Variants in SMPDL3A observed in about 807,000 individuals in gnomAD.
SMPDL3A encodes the protein cyclic GMP-AMP phosphodiesterase SMPDL3A.
SMPDL3A carries 39 observed loss-of-function variants against 38.5 expected under a neutral mutation model. That is an observed-to-expected ratio of 1.01 (90% CI 0.78 to 1.32). The LOEUF (loss-of-function observed/expected upper bound fraction) is 1.32. Ranked by LOEUF, SMPDL3A falls within the 40% of genes most tolerant of loss-of-function variation. The probability of loss-of-function intolerance (pLI) is 0.00; values close to 1 mark genes in which losing one functional copy is unlikely to be tolerated. For synonymous variants in SMPDL3A, 180 were observed against 194.3 expected, an observed-to-expected ratio of 0.93 and a Z score of 0.61; for missense variants, 502 against 536.2, an observed-to-expected ratio of 0.94 and a Z score of 0.63.
intron 5 of SMPDL3A, among the ~76,000 whole-genome samples, chr6:122,804,433 A>T (rs1470729850): frequency 1.3e-5 from 2 of 151,586 alleles, no homozygotes; most frequent in African/African-American, 4.9e-5. Flanking sequence ...ACTCCTAAGT[A>T]AGTGGGACTA....
rs562113381 is a variant in SMPDL3A, at chr6:122,789,266, T to A, written c.-81T>A. ...CGTCTACACCCGCAGCCGTCTTCTG[T>A]CTCCGCCTCACCCTCAGGCCTGACG... On this transcript the variant is annotated 5_prime_UTR_variant, in exon 1 of 8. Coordinates refer to ENST00000368440, the MANE Select transcript of SMPDL3A (RefSeq NM_006714.5). 41 of 997,028 alleles carry A rather than the reference T, an allele frequency of 4.1e-5. No homozygotes were observed. In the South Asian group the frequency reaches 5.6e-4, roughly 14 times the overall value. The allele number at this position is 997,028 out of a possible 1,614,324, so 61.8% of individuals were successfully genotyped here.
intron 1 of SMPDL3A, among the ~76,000 whole-genome samples, chr6:122,790,550 A>G (rs994635447): frequency 4.1e-4 from 63 of 152,160 alleles, no homozygotes; most frequent in African/African-American, 1.5e-3. Context: ...GTGCTTTCTC[A>G]GGACTTGGGA....
At chr6:122,797,983 C>G (rs936188729) in intron 3 of SMPDL3A, among the ~76,000 whole-genome samples, 2 of 152,202 alleles carry the variant, frequency 1.3e-5, no homozygotes, top group Non-Finnish European at 2.9e-5. Context: ...TCCTTTTGCA[C>G]ATCCCTTGCC....
Position 122,803,712 on chromosome 6 carries a change from T to A in SMPDL3A, c.617T>A (p.Ile206Asn). The A allele has an allele frequency of 6.2e-7, 1 of 1,613,990 alleles. No individual in the cohort carries two copies. Among genetic ancestry groups the A allele is most frequent in the Non-Finnish European group, 8.5e-7 (1 of 1,179,924 alleles). ...ACAACTAATCCAAACCTTAGGATCATCAGTCTAAACACAAACTTGTACTAC... is the reference window on the plus strand; with the variant it reads ...ACAACTAATCCAAACCTTAGGATCAACAGTCTAAACACAAACTTGTACTAC... Reference protein sequence around the residue: ...KVTTNPNLRIISLNTNLYYGP... With the variant: ...KVTTNPNLRINSLNTNLYYGP... The change falls in exon 5 of 8, where the codon ATC becomes AAC. Residue 206 changes from isoleucine (I) to asparagine (N), a missense_variant. By Grantham distance (149) the Ile-to-Asn change is moderately radical (BLOSUM62 -3). Coordinates refer to ENST00000368440, the MANE Select transcript of SMPDL3A (RefSeq NM_006714.5).
intron 6 of SMPDL3A, among the ~76,000 whole-genome samples, chr6:122,805,615 G>T (rs1038882415): frequency 6.6e-6 from 1 of 152,128 alleles, no homozygotes; most frequent in African/African-American, 2.4e-5. Flanking sequence ...CATCTATCAA[G>T]ATTTTTCAGT....
intron 4 of SMPDL3A, 124 bp from the exon 5 acceptor site, chr6:122,803,540 A>T: frequency 1.4e-6 from 1 of 692,880 alleles, no homozygotes; most frequent in East Asian, 2.7e-5. Flanking sequence ...ATCTATGTGC[A>T]AACTAAACAA....
chr6:122,791,566 T>G (rs1781078134), intron 1 of SMPDL3A, among the ~76,000 whole-genome samples: 1 of 152,226 alleles, frequency 6.6e-6, no homozygotes, highest in South Asian at 2.1e-4. Flanking sequence ...TATGGTTCAT[T>G]GGATTCTTGA....
At chr6:122,793,583 T>G (rs1226747858) in intron 1 of SMPDL3A, among the ~76,000 whole-genome samples, 1 of 152,228 alleles carries the variant, frequency 6.6e-6, no homozygotes, top group African/African-American at 2.4e-5. Context: ...TGGGGTATTT[T>G]CTGCATTATG....
At position 122,809,128 on chromosome 6, in the gene SMPDL3A, A is replaced by G; in HGVS notation, c.1082A>G (p.Asn361Ser). ...LQYYLNLTEA[N>S]LKGESIWKLE... ...TATTACTTGAATCTGACAGAGGCGA[A>G]TCTAAAGGGAGAGTCCATCTGGAAG... Residue 361 changes from asparagine (N) to serine (S), a missense_variant, in exon 8 of 8, where the codon AAT becomes AGT. Transcript: ENST00000368440. 6.2e-7 allele frequency: 1 copy of G among 1,614,194 alleles called. No individual in the cohort carries two copies. Among genetic ancestry groups the G allele is most frequent in the Non-Finnish European group, 8.5e-7 (1 of 1,180,024 alleles).
chr6:122,805,271 C>T (rs191703111), intron 6 of SMPDL3A, among the ~76,000 whole-genome samples, 182 bp downstream of exon 6: 1 of 152,314 alleles, frequency 6.6e-6, no homozygotes, highest in Admixed American at 6.5e-5. Flanking sequence ...ATTAGGCCTG[C>T]AGCTGGATTT....
At chr6:122,804,679 A>G (rs1781542505) in intron 5 of SMPDL3A, among the ~76,000 whole-genome samples, 1 of 152,180 alleles carries the variant, frequency 6.6e-6, no homozygotes, top group African/African-American at 2.4e-5. Context: ...AGGCCAATTC[A>G]AAAAATTGTG....
intron 4 of SMPDL3A, among the ~76,000 whole-genome samples, chr6:122,801,733 A>G (rs1285704044): frequency 1.3e-5 from 2 of 152,382 alleles, no homozygotes; most frequent in South Asian, 2.1e-4. Context: ...AGAAGAGAGA[A>G]TGGACACTAA....
chr6:122,794,222 A>T (rs1781166329), intron 1 of SMPDL3A, among the ~76,000 whole-genome samples: 1 of 152,210 alleles, frequency 6.6e-6, no homozygotes, highest in Non-Finnish European at 1.5e-5. Flanking sequence ...TAAATTGCTT[A>T]TCACAGTGCC....
In SMPDL3A at chr6:122,809,316, T is replaced by C. The variant is rs770174384; in HGVS notation, c.1270T>C (p.Cys424Arg). The C allele has an allele frequency of 1.2e-6, 2 of 1,613,994 alleles. No homozygotes were observed. Among genetic ancestry groups the C allele is most frequent in the South Asian group, 1.1e-5 (1 of 91,082 alleles). Residue 424 changes from cysteine to arginine, a missense_variant, in exon 8 of 8, where the codon TGT becomes CGT. Coordinates refer to ENST00000368440, the MANE Select transcript of SMPDL3A (RefSeq NM_006714.5). ...YDSSVTCDKT[C>R]KAFQICAIMN... ...CAGCAGTGTAACATGTGATAAGACATGTAAGGCCTTTCAGATTTGTGCAAT... is the reference window on the plus strand; with the variant it reads ...CAGCAGTGTAACATGTGATAAGACACGTAAGGCCTTTCAGATTTGTGCAAT...
intron 3 of SMPDL3A, chr6:122,797,194 T>A: frequency 2.5e-6 from 1 of 401,172 alleles, no homozygotes. Context: ...GTTTTCAGAA[T>A]AAAATTATCC....
intron 1 of SMPDL3A, among the ~76,000 whole-genome samples, 194 bp from the exon 2 acceptor site, chr6:122,795,483 C>G (rs1781214495): frequency 2.0e-5 from 3 of 152,094 alleles, no homozygotes; most frequent in Non-Finnish European, 4.4e-5. Flanking sequence ...GTAAATTGTT[C>G]CTACAGTTCC....
intron 1 of SMPDL3A, among the ~76,000 whole-genome samples, chr6:122,794,885 T>C (rs368133037): frequency 6.6e-6 from 1 of 152,186 alleles, no homozygotes; most frequent in Non-Finnish European, 1.5e-5. Flanking sequence ...AAGAGTGATA[T>C]ATAGTTCCTG....
intron 1 of SMPDL3A, chr6:122,790,014 C>G: frequency 4.2e-6 from 1 of 237,670 alleles, no homozygotes; most frequent in Non-Finnish European, 6.8e-6. Context: ...CTCGGGTAGA[C>G]TCACCCCTTA....
At chr6:122,793,856 T>C (rs1286434523) in intron 1 of SMPDL3A, among the ~76,000 whole-genome samples, 1 of 152,180 alleles carries the variant, frequency 6.6e-6, no homozygotes, top group Non-Finnish European at 1.5e-5. Flanking sequence ...ATTGGTAGAG[T>C]TTAAAGTTTG....
Sources: gnomAD v4.1 joint callset for allele counts (sites outside exome capture counted in the v4.1 genomes callset) on GRCh38, gnomAD v4.1.1 for gene constraint, MANE v1.5 for transcripts, NCBI Gene and HGNC (gene_info 2026-07-23, HGNC 2026-07-21) for gene names.